Variants in LYN observed in about 807,000 individuals in gnomAD.
The protein encoded by LYN is tyrosine-protein kinase Lyn.
In LYN, 12 loss-of-function variants were observed where a neutral mutation model predicts 65.0. That is an observed-to-expected ratio of 0.18 (90% CI 0.12 to 0.30). The LOEUF is 0.30. LYN is among the 10% of genes least tolerant of loss of function. LYN has a pLI of 1.00. For synonymous variants in LYN, 222 were observed against 221.2 expected, an observed-to-expected ratio of 1.00 and a Z score of -0.03; for missense variants, 380 against 623.2, an observed-to-expected ratio of 0.61 and a Z score of 4.16.
chr8:55,968,723 C>A (rs1010352421), intron 9 of LYN, among the ~76,000 whole-genome samples: 4 of 152,216 alleles, frequency 2.6e-5, no homozygotes, highest in Admixed American at 6.5e-5. Flanking sequence ...ACCTGTCAAC[C>A]ATCATGGTAT....
At chr8:55,891,912 C>T (rs1020010357) in intron 1 of LYN, among the ~76,000 whole-genome samples, 2 of 152,082 alleles carry the variant, frequency 1.3e-5, no homozygotes, top group Middle Eastern at 3.2e-3. Flanking sequence ...AATACATGGC[C>T]ACGTGGATTG....
At chr8:56,002,885 C>A (rs866259704) in intron 12 of LYN, among the ~76,000 whole-genome samples, 1 of 152,098 alleles carries the variant, frequency 6.6e-6, no homozygotes. Flanking sequence ...ATCAAGCAAT[C>A]CTATTTACTT....
chr8:55,990,031 G>C (rs999811505), intron 10 of LYN, among the ~76,000 whole-genome samples: 1 of 152,004 alleles, frequency 6.6e-6, no homozygotes, highest in Non-Finnish European at 1.5e-5. Flanking sequence ...CTGAGGTCAG[G>C]AGTTTGAGAC....
rs16920180 is a variant in LYN at position 55,987,892 on chromosome 8, A to G, written c.1051-10454A>G. Among the ~76,000 whole-genome samples the G allele has an allele frequency of 4.4e-3, 674 of 152,326 alleles. 3 individuals carry two copies. The highest frequency in any genetic ancestry group is 0.015 in the African/African-American group (635 of 41,584). On this transcript the variant is annotated intron_variant, in intron 10 of 12. Coordinates refer to ENST00000519728, the MANE Select transcript of LYN (RefSeq NM_002350.4). ...TGAATATAACCTACTTTATGGGCTT[A>G]TTTTAACGACTAACATGCCTAGCAC...
chr8:56,010,290 T>C lies in LYN; in HGVS notation c.*180T>C, dbSNP rs1011259622. 2 of 600,100 alleles carry C rather than the reference T, an allele frequency of 3.3e-6. No homozygotes were observed. Among genetic ancestry groups the C allele is most frequent in the African/African-American group, 3.7e-5 (2 of 53,852 alleles). 37.2% of individuals were successfully genotyped at this position (600,100 alleles called of 1,614,324 possible). ...CTAAATGGGAAAGTATTCTGTACTC[T>C]TAGATGGATTCTCCACTCAGTTGCA... is the stretch of plus-strand genomic sequence containing the variant. On this transcript the variant is annotated 3_prime_UTR_variant, in exon 13 of 13. Coordinates refer to ENST00000519728, the MANE Select transcript of LYN (RefSeq NM_002350.4).
At chr8:56,004,500 G>T (rs7825133) in intron 12 of LYN, among the ~76,000 whole-genome samples, 3,623 of 151,668 alleles carry the variant, frequency 0.024, 172 homozygotes, top group African/African-American at 0.084. Context: ...CACCATGTTG[G>T]CCAGGCTGGT....
intron 10 of LYN, among the ~76,000 whole-genome samples, chr8:55,995,376 G>A (rs1808347278): frequency 6.6e-6 from 1 of 152,194 alleles, no homozygotes; most frequent in Admixed American, 6.5e-5. Context: ...AAAGGCAGGG[G>A]ACACGAAGTC....
In LYN at chr8:56,009,978, A is replaced by G; in HGVS notation, c.1407A>G (p.Pro469=). The G allele has an allele frequency of 1.2e-6, 2 of 1,614,084 alleles. No individual in the cohort carries two copies. The highest frequency in any genetic ancestry group is 1.7e-6 in the Non-Finnish European group (2 of 1,179,940). ...GYRMPRVENC[P]DELYDIMKMC... is the part of the protein sequence containing the mutation. ...GGATGCCCCGTGTGGAGAACTGCCC[A>G]GATGAGCTCTATGACATTATGAAAA... Residue 469 remains proline (P), a synonymous_variant, in exon 13 of 13, where the codon CCA becomes CCG. Coordinates refer to ENST00000519728, the MANE Select transcript of LYN (RefSeq NM_002350.4).
rs577273102 is a variant in LYN, at chr8:55,902,220, C to T, written c.-6+22117C>T. On this transcript the variant is annotated intron_variant, in intron 1 of 12. Transcript: ENST00000519728. ...ACAGGGTTTCTACATGTTGGTCAGG[C>T]TGGTCTCGAACTCCCAACCTCAGGT... 5.9e-5 allele frequency among the ~76,000 whole-genome samples: 9 copies of T among 152,036 alleles called. No homozygotes were observed. In the East Asian group the frequency reaches 1.5e-3, roughly 26 times the overall value.
intron 1 of LYN, among the ~76,000 whole-genome samples, chr8:55,908,222 C>CATTTATTTATTTATTTATTTATTTATTT (rs60930363): frequency 1.3e-4 from 19 of 143,050 alleles, no homozygotes; most frequent in African/African-American, 4.8e-4. Context: ...CTGTTTAAAC[C>CATTTATTTATTTATTTATTTATTTATTT]ATTTATTTAT....
chr8:56,003,169 C>G (rs928388590), intron 12 of LYN, among the ~76,000 whole-genome samples: 1 of 151,438 alleles, frequency 6.6e-6, no homozygotes, highest in Non-Finnish European at 1.5e-5. Flanking sequence ...ACGCCGTTCT[C>G]TTGCCTCAGC....
Position 55,906,725 on chromosome 8 carries a change from GA to G in LYN, c.-6+26632del, listed in dbSNP as rs11417225. 7.2e-3 allele frequency among the ~76,000 whole-genome samples: 1,002 copies of G among 138,214 alleles called. 12 individuals are homozygous for G. Among genetic ancestry groups the G allele is most frequent in the African/African-American group, 0.024 (944 of 38,556 alleles). 90.7% of individuals were successfully genotyped at this position (138,214 alleles called of 152,430 possible). On this transcript the variant is annotated intron_variant, in intron 1 of 12. Coordinates refer to ENST00000519728, the MANE Select transcript of LYN (RefSeq NM_002350.4). ...CAGTCTCTACCAAAAAAAAGAAAAA[GA>G]AAAAAAAAAGAGAGAGAGAGGAGAG...
intron 1 of LYN, among the ~76,000 whole-genome samples, chr8:55,891,521 T>C (rs1007204376): frequency 1.3e-5 from 2 of 152,148 alleles, no homozygotes; most frequent in Non-Finnish European, 2.9e-5. Context: ...GAATGGTGTC[T>C]TCCAGGGGCT....
chr8:55,974,177 A>C (rs1395701936), intron 10 of LYN, among the ~76,000 whole-genome samples: 2 of 152,198 alleles, frequency 1.3e-5, no homozygotes, highest in African/African-American at 4.8e-5. Flanking sequence ...CTTCTGACTC[A>C]AGATAACTGA....
intron 10 of LYN, among the ~76,000 whole-genome samples, chr8:55,997,430 C>A (rs776628117): frequency 6.6e-6 from 1 of 152,142 alleles, no homozygotes; most frequent in African/African-American, 2.4e-5. Flanking sequence ...AAAGCCCTGG[C>A]AGGTTTCATG....
intron 1 of LYN, among the ~76,000 whole-genome samples, chr8:55,884,236 G>C (rs151138826): frequency 1.8e-3 from 278 of 152,200 alleles, no homozygotes; most frequent in African/African-American, 6.0e-3. Context: ...GAGTAGTTGG[G>C]ATTACTTACA....
At chr8:55,910,071 A>G (rs531413004) in intron 1 of LYN, among the ~76,000 whole-genome samples, 15 of 150,448 alleles carry the variant, frequency 1.0e-4, no homozygotes, top group Non-Finnish European at 1.8e-4. Context: ...CATAGTTTGC[A>G]TATACTTTCT....
chr8:55,977,468 T>C (rs572185135), intron 10 of LYN, among the ~76,000 whole-genome samples: 23 of 152,354 alleles, frequency 1.5e-4, no homozygotes, highest in African/African-American at 5.1e-4. Context: ...TGGTCTGTTT[T>C]GACTTTTGGA....
In LYN at chr8:55,951,844, T is replaced by C. The variant is rs1806959847; in HGVS notation, c.488-122T>C. 7.9e-6 allele frequency: 6 copies of C among 754,802 alleles called. No homozygotes were observed. In the Admixed American group the frequency reaches 1.5e-4, roughly 19 times the overall value. The allele number at this position is 754,802 out of a possible 1,614,324, so 46.8% of individuals were successfully genotyped here. A position where few individuals can be genotyped will look rare whatever the true frequency, so the allele number is the denominator to read the frequency against. The stretch of plus-strand genomic sequence containing the variant: ...AGGACTTTTAAAATTATGCATTTTA[T>C]ACAAATTTCATAAATATATGTATTT... On this transcript the variant is annotated intron_variant, in intron 6 of 12. Coordinates refer to ENST00000519728, the MANE Select transcript of LYN (RefSeq NM_002350.4).
Sources: allele counts gnomAD v4.1 joint callset (sites outside exome capture counted in the v4.1 genomes callset), GRCh38; gene constraint gnomAD v4.1.1; transcripts MANE v1.5; gene names NCBI Gene and HGNC (gene_info 2026-07-23, HGNC 2026-07-21).